CAPZB: variants seen among roughly 807,000 people sequenced by gnomAD.
CAPZB encodes capping actin protein of muscle Z-line subunit beta, also known as F-actin-capping protein subunit beta.
CAPZB carries 2 observed loss-of-function variants against 38.1 expected under a neutral mutation model. That is an observed-to-expected ratio of 0.05 (90% CI 0.02 to 0.17). CAPZB has a LOEUF of 0.17. Ranked by LOEUF, CAPZB falls within the 10% of genes least tolerant of loss-of-function variation. The pLI, the probability that CAPZB is intolerant of heterozygous loss-of-function variation, is 1.00. For missense variants in CAPZB, 161 were observed against 334.2 expected (o/e 0.48, Z 4.04); for synonymous variants, 107 against 127.4 (o/e 0.84, Z 1.08).
chr1:19,379,479 C>T (rs1335350365), intron 3 of CAPZB, among the ~76,000 whole-genome samples: 1 of 152,200 alleles, frequency 6.6e-6, no homozygotes, highest in Non-Finnish European at 1.5e-5. Flanking sequence ...ACTTTAAGAC[C>T]TTCTTACATA....
intron 2 of CAPZB, among the ~76,000 whole-genome samples, chr1:19,418,012 T>C (rs991774782): frequency 2.0e-5 from 3 of 151,080 alleles, no homozygotes; most frequent in African/African-American, 7.3e-5. Context: ...CGTGGGCGCC[T>C]GTAATCCCAG....
chr1:19,412,161 G>T (rs537046784), intron 2 of CAPZB, among the ~76,000 whole-genome samples: 1 of 152,336 alleles, frequency 6.6e-6, no homozygotes, highest in East Asian at 1.9e-4. Context: ...TAGCAGTGTT[G>T]TCTATAGGAA....
chr1:19,376,913 T>G (rs2094147426), intron 4 of CAPZB, among the ~76,000 whole-genome samples: 1 of 152,180 alleles, frequency 6.6e-6, no homozygotes. Flanking sequence ...CCTGGGTAAG[T>G]TATATCACCT....
intron 6 of CAPZB, among the ~76,000 whole-genome samples, chr1:19,353,862 C>T (rs944575677): frequency 2.6e-5 from 4 of 152,212 alleles, no homozygotes; most frequent in Non-Finnish European, 5.9e-5. Flanking sequence ...GCCTTGACGC[C>T]GTGTGCGGCT....
rs929326393 is a variant in CAPZB, at chr1:19,448,969, G to A, written c.4-29219C>T. On this transcript the variant is annotated intron_variant, in intron 1 of 8. Transcript: ENST00000264202. Reference sequence around the variant, plus strand: ...TTTTGCAGGCAGGGGAGGCGAGGGGGCAAGAGGAAGTGGAAACATGACGTG... The same window carrying A: ...TTTTGCAGGCAGGGGAGGCGAGGGGACAAGAGGAAGTGGAAACATGACGTG... 1.9e-6 allele frequency: 3 copies of A among 1,606,476 alleles called. No individual in the cohort carries two copies. The African/African-American group carries it at 4.0e-5, about 21-fold the overall frequency.
At chr1:19,394,478 T>C (rs1399739486) in intron 2 of CAPZB, among the ~76,000 whole-genome samples, 4 of 152,184 alleles carry the variant, frequency 2.6e-5, no homozygotes, top group Non-Finnish European at 5.9e-5. Flanking sequence ...CCCAGCACTC[T>C]GGGAGGCTGA....
chr1:19,403,852 T>C (rs7515937), intron 2 of CAPZB, among the ~76,000 whole-genome samples: 101,443 of 152,104 alleles, frequency 0.67, 34,604 homozygotes, highest in East Asian at 0.95. Context: ...CCACTGGCCT[T>C]CAGCAGCCTG....
chr1:19,427,557 G>T (rs901228637), intron 1 of CAPZB, among the ~76,000 whole-genome samples: 1 of 152,248 alleles, frequency 6.6e-6, no homozygotes, highest in Admixed American at 6.5e-5. Context: ...TGTGCTGGGG[G>T]CGATTTGGAG....
chr1:19,482,160 T>C (rs2094631662), intron 1 of CAPZB, among the ~76,000 whole-genome samples: 1 of 152,222 alleles, frequency 6.6e-6, no homozygotes, highest in African/African-American at 2.4e-5. Flanking sequence ...AAGTATAGGA[T>C]GTCTGAGTTA....
intron 2 of CAPZB, among the ~76,000 whole-genome samples, chr1:19,401,319 G>A (rs1213091493): frequency 2.0e-5 from 3 of 152,182 alleles, no homozygotes; most frequent in African/African-American, 7.2e-5. Context: ...AAAGGGCAAA[G>A]ATTTGCAGCA....
intron 6 of CAPZB, 113 bp from the exon 7 acceptor site, chr1:19,345,365 C>A (rs898485598): frequency 3.2e-5 from 27 of 856,576 alleles, no homozygotes; most frequent in Non-Finnish European, 4.1e-5. Context: ...CACCGTGGAG[C>A]CAGCTGCAGG....
At chr1:19,459,121 A>AT (rs1211736407) in intron 1 of CAPZB, among the ~76,000 whole-genome samples, 38 of 152,088 alleles carry the variant, frequency 2.5e-4, no homozygotes, top group Admixed American at 2.5e-3. Context: ...ACCAGGTCCC[A>AT]TTTTTCCAGG....
At chr1:19,407,039 T>A (rs1161937832) in intron 2 of CAPZB, among the ~76,000 whole-genome samples, 1 of 152,298 alleles carries the variant, frequency 6.6e-6, no homozygotes, top group Non-Finnish European at 1.5e-5. Flanking sequence ...TCAACTTCAA[T>A]GCTCCTAACC....
intron 1 of CAPZB, among the ~76,000 whole-genome samples, chr1:19,435,071 T>C (rs1156408131): frequency 1.1e-5 from 1 of 91,800 alleles, no homozygotes; most frequent in Non-Finnish European, 2.7e-5. Context: ...TAAGTTAACA[T>C]TCCCTAAAGG....
intron 2 of CAPZB, among the ~76,000 whole-genome samples, chr1:19,386,798 CA>C (rs2094206593): frequency 6.6e-6 from 1 of 152,200 alleles, no homozygotes; most frequent in Non-Finnish European, 1.5e-5. Flanking sequence ...TCATAACTCA[CA>C]GAAATTCTGG....
intron 8 of CAPZB, chr1:19,342,682 C>T (rs2093936879): frequency 1.1e-5 from 11 of 958,948 alleles, no homozygotes; most frequent in East Asian, 4.8e-5. Context: ...GCAGCCGGAC[C>T]GGCAGGGTCT....
chr1:19,393,853 C>T (rs1202959718), intron 2 of CAPZB, among the ~76,000 whole-genome samples: 1 of 152,202 alleles, frequency 6.6e-6, no homozygotes, highest in Non-Finnish European at 1.5e-5. Context: ...GGACTCCTGG[C>T]GTGTGGGCAG....
chr1:19,397,510 C>T (rs1037281494), intron 2 of CAPZB, among the ~76,000 whole-genome samples: 3 of 152,144 alleles, frequency 2.0e-5, no homozygotes, highest in African/African-American at 7.2e-5. Flanking sequence ...TGGTGAGTAA[C>T]CTAGCAGGCA....
intron 1 of CAPZB, among the ~76,000 whole-genome samples, chr1:19,478,216 G>C (rs959828966): frequency 6.6e-6 from 1 of 152,142 alleles, no homozygotes; most frequent in African/African-American, 2.4e-5. Context: ...CTTGGGCAAG[G>C]GACTCTACAT....
Sources: allele counts gnomAD v4.1 joint callset (sites outside exome capture counted in the v4.1 genomes callset), GRCh38; gene constraint gnomAD v4.1.1; transcripts MANE v1.5; gene names NCBI Gene and HGNC (gene_info 2026-07-23, HGNC 2026-07-21).